Variants in AK5 observed in about 807,000 individuals in gnomAD.
AK5 encodes adenylate kinase isoenzyme 5.
In AK5, 27 loss-of-function variants were observed where a neutral mutation model predicts 69.5. That is an observed-to-expected ratio of 0.39 (90% CI 0.29 to 0.54). AK5 has a LOEUF of 0.54. Ranked by LOEUF, AK5 falls within the 20% of genes least tolerant of loss-of-function variation. The probability of loss-of-function intolerance (pLI) is 0.71; values close to 1 mark genes in which losing one functional copy is unlikely to be tolerated. For missense variants in AK5, 531 were observed against 700.4 expected (o/e 0.76, Z 2.73); for synonymous variants, 260 against 244.4 (o/e 1.06, Z -0.60).
chr1:77,528,109 AAC>A (rs1407546858), intron 12 of AK5, among the ~76,000 whole-genome samples: 3 of 152,158 alleles, frequency 2.0e-5, no homozygotes, highest in Non-Finnish European at 1.5e-5. Context: ...AGATGCTACA[AAC>A]ACAGAATGAG....
At chr1:77,339,812 C>A (rs1454371706) in intron 5 of AK5, among the ~76,000 whole-genome samples, 4 of 151,724 alleles carry the variant, frequency 2.6e-5, no homozygotes, top group Non-Finnish European at 5.9e-5. Flanking sequence ...CCTGTAGAGA[C>A]GGTTTCACCA....
intron 6 of AK5, among the ~76,000 whole-genome samples, chr1:77,352,565 G>A (rs1300818038): frequency 1.3e-5 from 2 of 152,178 alleles, no homozygotes; most frequent in Admixed American, 6.5e-5. Context: ...GATAATGCCT[G>A]TTAATGTGAA....
chr1:77,474,156 T>C (rs551013445), intron 8 of AK5, among the ~76,000 whole-genome samples: 1 of 152,254 alleles, frequency 6.6e-6, no homozygotes, highest in East Asian at 1.9e-4. Flanking sequence ...AGCCAGTACT[T>C]TATAAATATT....
At chr1:77,431,357 T>C (rs1651625914) in intron 8 of AK5, among the ~76,000 whole-genome samples, 1 of 152,156 alleles carries the variant, frequency 6.6e-6, no homozygotes, top group Admixed American at 6.5e-5. Flanking sequence ...TTGGGTGGCC[T>C]TAGGTGCCAG....
At chr1:77,393,772 T>C (rs1648643203) in intron 6 of AK5, among the ~76,000 whole-genome samples, 1 of 152,216 alleles carries the variant, frequency 6.6e-6, no homozygotes, top group East Asian at 1.9e-4. Flanking sequence ...CAGAGTCACA[T>C]AGCTAGTAAG....
chr1:77,558,478 G>GT (rs1660245117), intron 13 of AK5, 124 bp from the exon 14 acceptor site: 1 of 467,248 alleles, frequency 2.1e-6, no homozygotes, highest in Non-Finnish European at 3.6e-6. Context: ...TCTGTGTTTT[G>GT]GGGGGGGTCT....
intron 6 of AK5, among the ~76,000 whole-genome samples, chr1:77,372,908 G>A (rs368932960): frequency 1.2e-4 from 18 of 152,142 alleles, no homozygotes; most frequent in Admixed American, 4.6e-4. Flanking sequence ...TTCAGTGGCC[G>A]CCTTGTATTC....
chr1:77,534,952 C>T (rs907094192), intron 12 of AK5, among the ~76,000 whole-genome samples: 4 of 152,208 alleles, frequency 2.6e-5, no homozygotes, highest in African/African-American at 9.7e-5. Context: ...TGCAATTGCA[C>T]TCAGACAGTG....
chr1:77,466,599 A>G (rs1278256479), intron 8 of AK5, among the ~76,000 whole-genome samples: 1 of 152,216 alleles, frequency 6.6e-6, no homozygotes, highest in Non-Finnish European at 1.5e-5. Context: ...CTGCTGTAAC[A>G]AAATACCACA....
chr1:77,529,499 A>G (rs1392998810), intron 12 of AK5, among the ~76,000 whole-genome samples: 1 of 151,990 alleles, frequency 6.6e-6, no homozygotes, highest in Non-Finnish European at 1.5e-5. Flanking sequence ...TAATTTTTAT[A>G]TTTTTAGTAG....
At chr1:77,536,098 GA>G (rs1658952137) in intron 13 of AK5, 60 bp downstream of exon 13, 2 of 1,475,896 alleles carry the variant, frequency 1.4e-6, no homozygotes, top group Non-Finnish European at 1.8e-6. Flanking sequence ...TTTTTTCCAA[GA>G]AAAGAGAAAA....
At chr1:77,508,366 A>G (rs1657138679) in intron 10 of AK5, among the ~76,000 whole-genome samples, 1 of 152,068 alleles carries the variant, frequency 6.6e-6, no homozygotes, top group Non-Finnish European at 1.5e-5. Flanking sequence ...TAATTCAGGA[A>G]TTTTTCCAAA....
intron 1 of AK5, chr1:77,283,020 C>A (rs1188459403): frequency 3.0e-6 from 3 of 985,546 alleles, no homozygotes; most frequent in Non-Finnish European, 2.4e-6. Flanking sequence ...TTCGCCAGTG[C>A]TCGACAACCC....
chr1:77,467,391 G>T (rs1047873125), intron 8 of AK5, among the ~76,000 whole-genome samples: 3 of 152,200 alleles, frequency 2.0e-5, no homozygotes, highest in Non-Finnish European at 2.9e-5. Flanking sequence ...TCTGTTCTGC[G>T]CAGAGCCTGC....
intron 8 of AK5, among the ~76,000 whole-genome samples, chr1:77,464,358 C>T (rs12066994): frequency 0.65 from 98,623 of 151,988 alleles, 32,648 homozygotes; most frequent in Middle Eastern, 0.73. Context: ...AGTGCGCAGG[C>T]CGGTTGGAGT....
chr1:77,358,447 A>C (rs952156729), intron 6 of AK5, among the ~76,000 whole-genome samples: 1 of 152,102 alleles, frequency 6.6e-6, no homozygotes, highest in Non-Finnish European at 1.5e-5. Flanking sequence ...TCTCATCTCC[A>C]TGTCTTGAGG....
At chr1:77,488,423 A>G (rs376291090) in intron 10 of AK5, among the ~76,000 whole-genome samples, 1 of 152,076 alleles carries the variant, frequency 6.6e-6, no homozygotes, top group Non-Finnish European at 1.5e-5. Flanking sequence ...TTTCTATTCA[A>G]TCTTTATATT....
chr1:77,545,834 T>TA (rs1256909340), intron 13 of AK5, among the ~76,000 whole-genome samples: 2 of 152,166 alleles, frequency 1.3e-5, no homozygotes, highest in Non-Finnish European at 2.9e-5. Flanking sequence ...TAGATTTAGA[T>TA]ACAGCCCTCC....
chr1:77,293,069 T>C (rs188155802), intron 2 of AK5, among the ~76,000 whole-genome samples: 36 of 152,264 alleles, frequency 2.4e-4, no homozygotes, highest in Non-Finnish European at 5.0e-4. Context: ...ACTTAAACTT[T>C]TACATCTTTT....
Sources: allele counts gnomAD v4.1 joint callset (sites outside exome capture counted in the v4.1 genomes callset), GRCh38; gene constraint gnomAD v4.1.1; transcripts MANE v1.5; gene names NCBI Gene and HGNC (gene_info 2026-07-23, HGNC 2026-07-21).